HLCS: variants seen among roughly 807,000 people sequenced by gnomAD.
The protein encoded by HLCS is holocarboxylase synthetase, also known as biotin--protein ligase.
Under a neutral mutation model 75.0 loss-of-function variants are expected in HLCS, and 53 were observed. The observed-to-expected ratio is 0.71, with a 90% CI of 0.57 to 0.89. The LOEUF (loss-of-function observed/expected upper bound fraction) is 0.89. Among genes scored for constraint, HLCS ranks in the 40% least tolerant of loss-of-function variants. The pLI is 0.00. For missense variants in HLCS, 966 were observed against 1,074.0 expected, an observed-to-expected ratio of 0.90 and a Z score of 1.41; for synonymous variants, 431 against 428.6, an observed-to-expected ratio of 1.01 and a Z score of -0.07.
chr21:36,910,928 G>A (rs569619661), intron 5 of HLCS, among the ~76,000 whole-genome samples: 34 of 152,272 alleles, frequency 2.2e-4, no homozygotes, highest in African/African-American at 7.9e-4. Context: ...AAAAGCGAAC[G>A]GCTCTGAAGG....
intron 6 of HLCS, among the ~76,000 whole-genome samples, chr21:36,851,469 C>T (rs2063004879): frequency 6.6e-6 from 1 of 151,932 alleles, no homozygotes; most frequent in Admixed American, 6.6e-5. Flanking sequence ...TGTGTGGGAG[C>T]TAAAAATTAA....
intron 6 of HLCS, among the ~76,000 whole-genome samples, chr21:36,874,920 C>T (rs1251669758): frequency 6.6e-6 from 1 of 152,216 alleles, no homozygotes; most frequent in Admixed American, 6.5e-5. Context: ...CCTACTCGCA[C>T]TCCCTGGCCT....
chr21:36,818,322 G>T (rs1019433644), intron 6 of HLCS, among the ~76,000 whole-genome samples: 2 of 152,194 alleles, frequency 1.3e-5, no homozygotes, highest in Non-Finnish European at 2.9e-5. Flanking sequence ...CACATAGGCC[G>T]TGATGAATGA....
At chr21:36,839,603 C>A (rs1054878059) in intron 6 of HLCS, among the ~76,000 whole-genome samples, 2 of 152,198 alleles carry the variant, frequency 1.3e-5, no homozygotes, top group Non-Finnish European at 2.9e-5. Context: ...GAAGGAAGAA[C>A]TTCAAAGCCA....
At chr21:36,818,944 T>C (rs1031761775) in intron 6 of HLCS, among the ~76,000 whole-genome samples, 3 of 152,186 alleles carry the variant, frequency 2.0e-5, no homozygotes, top group Non-Finnish European at 4.4e-5. Context: ...TTTGAGTCTC[T>C]GTTAACAGCA....
chr21:36,820,647 C>T lies in HLCS; in HGVS notation c.1893-53362G>A, dbSNP rs115631853. Among the ~76,000 whole-genome samples the T allele has an allele frequency of 4.4e-3, 671 of 152,324 alleles. 4 individuals carry two copies. Among genetic ancestry groups the T allele is most frequent in the African/African-American group, 0.015 (623 of 41,554 alleles). Reference sequence around the variant, plus strand: ...ACAGGCTTCTGGGATGCCAAGGGGGCGCTGAGGGCAGTTTGGCACAGGCCT... The same window carrying T: ...ACAGGCTTCTGGGATGCCAAGGGGGTGCTGAGGGCAGTTTGGCACAGGCCT... On this transcript the variant is annotated intron_variant, in intron 6 of 10. Transcript: ENST00000674895.
At chr21:36,858,341 T>C (rs562996199) in intron 6 of HLCS, among the ~76,000 whole-genome samples, 5 of 152,302 alleles carry the variant, frequency 3.3e-5, no homozygotes, top group Non-Finnish European at 7.3e-5. Context: ...AGCTAAACAT[T>C]ACTTGAAATT....
At chr21:36,756,214 A>G (rs57508268) in intron 10 of HLCS, among the ~76,000 whole-genome samples, 306 of 152,086 alleles carry the variant, frequency 2.0e-3, no homozygotes, top group East Asian at 0.018. Flanking sequence ...CAAGGCGGGC[A>G]GATCACAAGG....
intron 6 of HLCS, among the ~76,000 whole-genome samples, chr21:36,812,534 G>T (rs957742877): frequency 2.6e-5 from 4 of 152,016 alleles, no homozygotes; most frequent in African/African-American, 9.7e-5. Flanking sequence ...ATGAGTCTTT[G>T]TAAGCTCAAA....
intron 5 of HLCS, among the ~76,000 whole-genome samples, chr21:36,927,343 C>T (rs149878974): frequency 5.8e-4 from 88 of 152,350 alleles, no homozygotes; most frequent in African/African-American, 2.0e-3. Context: ...TGAAGGTCTC[C>T]GAGCACATCC....
chr21:36,887,642 G>A (rs1169929842), intron 6 of HLCS, among the ~76,000 whole-genome samples: 1 of 152,124 alleles, frequency 6.6e-6, no homozygotes, highest in East Asian at 1.9e-4. Context: ...AAAGGCCAAA[G>A]TTATATTTTA....
intron 6 of HLCS, among the ~76,000 whole-genome samples, chr21:36,783,915 A>G (rs934065093): frequency 1.3e-5 from 2 of 152,190 alleles, no homozygotes; most frequent in Non-Finnish European, 2.9e-5. Context: ...ACACCAGCCA[A>G]CATGGCACCA....
At chr21:36,968,826 C>G (rs942440096), upstream of HLCS, 2 of 152,200 alleles carry the variant, frequency 1.3e-5, no homozygotes, top group African/African-American at 4.8e-5. Context: ...AGGTCATCTC[C>G]TCTATCTGAA....
intron 10 of HLCS, among the ~76,000 whole-genome samples, 182 bp downstream of exon 10, chr21:36,756,360 A>C (rs575507555): frequency 8.8e-5 from 13 of 147,070 alleles, no homozygotes; most frequent in African/African-American, 2.7e-4. Context: ...CTGAGGCAGG[A>C]GAATGGCGTG....
chr21:36,964,420 A>AGACCTTC (rs1299256498), intron 1 of HLCS, among the ~76,000 whole-genome samples: 1 of 152,274 alleles, frequency 6.6e-6, no homozygotes, highest in Non-Finnish European at 1.5e-5. Flanking sequence ...ATCACAGCTT[A>AGACCTTC]AACCCAACAA....
At chr21:36,990,043 A>T (rs1057390330) in intron 1 of HLCS, 3 of 152,112 alleles carry the variant, frequency 2.0e-5, no homozygotes, top group African/African-American at 7.2e-5. Context: ...GCCTCGACTC[A>T]GGAGACGGCT....
At chr21:36,841,980 G>A (rs915711781) in intron 6 of HLCS, among the ~76,000 whole-genome samples, 3 of 151,914 alleles carry the variant, frequency 2.0e-5, no homozygotes, top group African/African-American at 7.3e-5. Flanking sequence ...TCTACTCCTG[G>A]GTATACACTC....
intron 8 of HLCS, among the ~76,000 whole-genome samples, chr21:36,764,721 T>C (rs752602654): frequency 8.5e-5 from 13 of 152,056 alleles, no homozygotes; most frequent in Non-Finnish European, 1.9e-4. Flanking sequence ...AATAAATAAA[T>C]AAACAACAAC....
At chr21:36,758,363 C>G (rs1342340001) in intron 9 of HLCS, among the ~76,000 whole-genome samples, 3 of 152,178 alleles carry the variant, frequency 2.0e-5, no homozygotes, top group Non-Finnish European at 4.4e-5. Flanking sequence ...CCACCTCAGG[C>G]TCCTGAAGTG....
Sources: allele counts gnomAD v4.1 joint callset (sites outside exome capture counted in the v4.1 genomes callset), GRCh38; gene constraint gnomAD v4.1.1; transcripts MANE v1.5; gene names NCBI Gene and HGNC (gene_info 2026-07-23, HGNC 2026-07-21).